The following CFAP95 variants were observed in gnomAD, a reference collection of about 807,000 sequenced individuals.
CFAP95 encodes the protein cilia- and flagella-associated protein 95.
the CFAP95 span, among the ~76,000 whole-genome samples, chr9:69,882,450 T>C: frequency 2.6e-5 from 4 of 152,198 alleles, no homozygotes; most frequent in African/African-American, 9.7e-5. Context: ...CTTTTTTTTG[T>C]CTAATTGCTC....
the CFAP95 span, among the ~76,000 whole-genome samples, chr9:69,822,596 A>G: frequency 1.3e-5 from 2 of 152,352 alleles, no homozygotes; most frequent in Admixed American, 1.3e-4. Context: ...ATAAATCACC[A>G]CTAGAAGTTA....
the CFAP95 span, among the ~76,000 whole-genome samples, chr9:69,879,860 C>A: frequency 3.8e-5 from 4 of 104,086 alleles, no homozygotes; most frequent in East Asian, 1.1e-3. Context: ...AATCCCCAAC[C>A]CATAGGTAAC....
chr9:69,901,496 T>C, the CFAP95 span, among the ~76,000 whole-genome samples: 1 of 151,574 alleles, frequency 6.6e-6, no homozygotes, highest in African/African-American at 2.4e-5. Flanking sequence ...CAGCTTCATC[T>C]ATATCCCTAC....
At chr9:69,842,433 A>G in the CFAP95 span, among the ~76,000 whole-genome samples, 1 of 152,218 alleles carries the variant, frequency 6.6e-6, no homozygotes, top group Admixed American at 6.5e-5. Flanking sequence ...TCTTGGTAAA[A>G]TGAGAGCTTG....
At chr9:69,880,676 A>T in the CFAP95 span, among the ~76,000 whole-genome samples, 1 of 152,212 alleles carries the variant, frequency 6.6e-6, no homozygotes, top group Non-Finnish European at 1.5e-5. Flanking sequence ...ATATATACCC[A>T]GCAGTGGGAT....
At chr9:69,890,329 G>A in the CFAP95 span, among the ~76,000 whole-genome samples, 12 of 152,014 alleles carry the variant, frequency 7.9e-5, no homozygotes, top group African/African-American at 2.9e-4. Context: ...CACATTAACA[G>A]CACAGCATAC....
chr9:69,851,233 A>G, the CFAP95 span, among the ~76,000 whole-genome samples: 1 of 152,308 alleles, frequency 6.6e-6, no homozygotes, highest in African/African-American at 2.4e-5. Context: ...ACAAACATGC[A>G]GAGACACACA....
chr9:69,890,740 G>A, the CFAP95 span, among the ~76,000 whole-genome samples: 1 of 152,198 alleles, frequency 6.6e-6, no homozygotes, highest in Admixed American at 6.5e-5. Context: ...TATCTCAAAT[G>A]TTGTGCATAA....
chr9:69,885,289 TAATATTGCCAGG>T, the CFAP95 span, among the ~76,000 whole-genome samples: 54,734 of 151,920 alleles, frequency 0.36, 10,433 homozygotes, highest in Middle Eastern at 0.57. Flanking sequence ...TCCAGTCCCA[TAATATTGCCAGG>T]AATGGAGGTG....
chr9:69,853,711 A>G, the CFAP95 span, among the ~76,000 whole-genome samples: 1 of 152,214 alleles, frequency 6.6e-6, no homozygotes, highest in Non-Finnish European at 1.5e-5. Context: ...TGCAACAGAC[A>G]CTGAAAATCA....
chr9:69,845,927 T>A, the CFAP95 span, among the ~76,000 whole-genome samples: 1 of 152,162 alleles, frequency 6.6e-6, no homozygotes, highest in Admixed American at 6.5e-5. Flanking sequence ...TCAGCCAGCA[T>A]GTGGATGGGG....
At chr9:69,905,682 G>A in the CFAP95 span, among the ~76,000 whole-genome samples, 1 of 152,044 alleles carries the variant, frequency 6.6e-6, no homozygotes, top group Admixed American at 6.6e-5. Flanking sequence ...TTTATGCTGT[G>A]TATTTGTGGT....
chr9:69,826,083 T>A, the CFAP95 span, among the ~76,000 whole-genome samples: 1 of 152,196 alleles, frequency 6.6e-6, no homozygotes, highest in African/African-American at 2.4e-5. Context: ...TAGGGAATTT[T>A]GTAGTTTTAA....
the CFAP95 span, among the ~76,000 whole-genome samples, chr9:69,822,054 G>A: frequency 1.3e-5 from 2 of 152,150 alleles, no homozygotes; most frequent in Non-Finnish European, 2.9e-5. Flanking sequence ...GCAACACTGT[G>A]ATGTATAACT....
At chr9:69,883,761 T>C in the CFAP95 span, among the ~76,000 whole-genome samples, 1 of 152,178 alleles carries the variant, frequency 6.6e-6, no homozygotes, top group African/African-American at 2.4e-5. Context: ...TTTTATTTAT[T>C]TGGGTCTTCT....
the CFAP95 span, among the ~76,000 whole-genome samples, chr9:69,904,009 C>A: frequency 6.6e-6 from 1 of 152,192 alleles, no homozygotes; most frequent in African/African-American, 2.4e-5. Flanking sequence ...CAGGAGTGAG[C>A]CTCTGTGCCC....
the CFAP95 span, among the ~76,000 whole-genome samples, chr9:69,877,698 T>A: frequency 6.6e-6 from 1 of 152,324 alleles, no homozygotes; most frequent in South Asian, 2.1e-4. Context: ...CTTGTATTTT[T>A]AAAAATGTAA....
At chr9:69,889,734 A>C in the CFAP95 span, among the ~76,000 whole-genome samples, 1 of 152,162 alleles carries the variant, frequency 6.6e-6, no homozygotes, top group Non-Finnish European at 1.5e-5. Context: ...GATGGCAGGC[A>C]AGAAGAATCC....
the CFAP95 span, among the ~76,000 whole-genome samples, chr9:69,851,618 A>G: frequency 6.6e-6 from 1 of 152,102 alleles, no homozygotes; most frequent in African/African-American, 2.4e-5. Flanking sequence ...AATTGAGACT[A>G]TTTTGTGACA....
Sources: allele counts gnomAD v4.1 joint callset (sites outside exome capture counted in the v4.1 genomes callset), GRCh38; gene constraint gnomAD v4.1.1; transcripts MANE v1.5; gene names NCBI Gene and HGNC (gene_info 2026-07-23, HGNC 2026-07-21).